PPP2R5E: variants seen among roughly 807,000 people sequenced by gnomAD.
The protein encoded by PPP2R5E is serine/threonine-protein phosphatase 2A 56 kDa regulatory subunit epsilon isoform.
In PPP2R5E, 4 loss-of-function variants were observed where a neutral mutation model predicts 65.3. That is an observed-to-expected ratio of 0.06 (90% CI 0.03 to 0.14). The LOEUF (loss-of-function observed/expected upper bound fraction) is 0.14. Among genes scored for constraint, PPP2R5E ranks in the 10% least tolerant of loss-of-function variants. PPP2R5E has a pLI of 1.00. For synonymous variants in PPP2R5E, 183 were observed against 187.4 expected (o/e 0.98, Z 0.19); for missense variants, 274 against 556.1 (o/e 0.49, Z 5.10).
chr14:63,530,666 C>G (rs1396739774), intron 2 of PPP2R5E, among the ~76,000 whole-genome samples: 1 of 128,406 alleles, frequency 7.8e-6, no homozygotes, highest in African/African-American at 2.9e-5. Flanking sequence ...GAGACACTCT[C>G]ACTCTGTCAC....
At chr14:63,379,826 C>CTCTCTTTTTTTT (rs528081976) in intron 13 of PPP2R5E, among the ~76,000 whole-genome samples, 5 of 100,280 alleles carry the variant, frequency 5.0e-5, no homozygotes, top group African/African-American at 2.6e-4. Context: ...TATTCTCTCT[C>CTCTCTTTTTTTT]TTTTTTTTTT....
chr14:63,432,470 G>A (rs1887725751), intron 3 of PPP2R5E, among the ~76,000 whole-genome samples: 1 of 152,170 alleles, frequency 6.6e-6, no homozygotes, highest in African/African-American at 2.4e-5. Context: ...CAAGAATAGA[G>A]AAACAATAGA....
chr14:63,507,071 G>A (rs966953578), intron 2 of PPP2R5E, among the ~76,000 whole-genome samples: 1 of 152,086 alleles, frequency 6.6e-6, no homozygotes, highest in Non-Finnish European at 1.5e-5. Context: ...TGTGAGCCAC[G>A]GTGCCCAGCC....
intron 2 of PPP2R5E, among the ~76,000 whole-genome samples, chr14:63,484,170 A>G (rs1444200369): frequency 1.3e-5 from 2 of 151,914 alleles, no homozygotes; most frequent in African/African-American, 2.4e-5. Context: ...TGATGGGGCC[A>G]CTCCCTAAAG....
rs921210911 is a variant in PPP2R5E at position 63,374,578 on chromosome 14, T to C, written c.*1431A>G. On this transcript the variant is annotated 3_prime_UTR_variant, in exon 14 of 14. Coordinates refer to ENST00000337537, the MANE Select transcript of PPP2R5E (RefSeq NM_006246.5). ...TACTGTACACAAATTTTATCAGCAGTTTACCTACCCAAGATGTAAGATTCT... is the reference window on the plus strand; with the variant it reads ...TACTGTACACAAATTTTATCAGCAGCTTACCTACCCAAGATGTAAGATTCT... 4.8e-5 allele frequency: 7 copies of C among 147,268 alleles called. No individual in the cohort carries two copies. The South Asian group carries it at 1.1e-3, about 22-fold the overall frequency. 9.1% of individuals were successfully genotyped at this position (147,268 alleles called of 1,614,324 possible).
chr14:63,472,061 G>GCATCCC (rs1890161742), intron 2 of PPP2R5E, among the ~76,000 whole-genome samples: 2 of 152,178 alleles, frequency 1.3e-5, no homozygotes, highest in African/African-American at 4.8e-5. Context: ...AGCACTGTTG[G>GCATCCC]AGGCCAAGGC....
At chr14:63,476,614 A>G (rs562609405) in intron 2 of PPP2R5E, among the ~76,000 whole-genome samples, 108 of 152,224 alleles carry the variant, frequency 7.1e-4, no homozygotes, top group African/African-American at 2.5e-3. Flanking sequence ...CCACCCAACT[A>G]ATAGTTTTAT....
intron 2 of PPP2R5E, among the ~76,000 whole-genome samples, chr14:63,523,818 C>A (rs1003835989): frequency 1.3e-5 from 2 of 151,546 alleles, no homozygotes; most frequent in African/African-American, 4.9e-5. Flanking sequence ...AACTCTTCAC[C>A]TTTGCTATAA....
chr14:63,430,282 G>A (rs1887565558), intron 3 of PPP2R5E, among the ~76,000 whole-genome samples: 1 of 152,084 alleles, frequency 6.6e-6, no homozygotes, highest in South Asian at 2.1e-4. Context: ...GGGAGGCCGA[G>A]GCGGGAGGAT....
rs1167799257 is a variant in PPP2R5E at position 63,374,746 on chromosome 14, G to T, written c.*1263C>A. ...GTCACGATGCACCTTTGATATAAAA[G>T]CATTTTTAAACTTTATTATTAATAC... On this transcript the variant is annotated 3_prime_UTR_variant, in exon 14 of 14. Coordinates refer to ENST00000337537, the MANE Select transcript of PPP2R5E (RefSeq NM_006246.5). 6.8e-5 allele frequency: 10 copies of T among 146,852 alleles called. No individual in the cohort carries two copies. The highest frequency in any genetic ancestry group is 2.6e-4 in the African/African-American group (10 of 39,082). The allele number at this position is 146,852 out of a possible 1,614,324, so 9.1% of individuals were successfully genotyped here. A position where few individuals can be genotyped will look rare whatever the true frequency, so the allele number is the denominator to read the frequency against.
At chr14:63,442,264 C>A (rs770857543) in intron 3 of PPP2R5E, among the ~76,000 whole-genome samples, 1 of 152,066 alleles carries the variant, frequency 6.6e-6, no homozygotes, top group African/African-American at 2.4e-5. Flanking sequence ...TCTTCTTTTA[C>A]GCTTATCCTA....
chr14:63,436,969 T>C (rs562072130), intron 3 of PPP2R5E, among the ~76,000 whole-genome samples: 8 of 152,204 alleles, frequency 5.3e-5, no homozygotes, highest in Admixed American at 2.0e-4. Context: ...CAGGATGAAA[T>C]AGGAAGTCAG....
chr14:63,489,704 A>T lies in PPP2R5E; in HGVS notation c.158-35819T>A, dbSNP rs1891193514. ...ATTACAGGCATGAGCTGCTGCGCCCAGCCAATACCAAAATTCTTAATTTTA... is the reference window on the plus strand; with the variant it reads ...ATTACAGGCATGAGCTGCTGCGCCCTGCCAATACCAAAATTCTTAATTTTA... On this transcript the variant is annotated intron_variant, in intron 2 of 13. Coordinates refer to ENST00000337537, the MANE Select transcript of PPP2R5E (RefSeq NM_006246.5). Among the ~76,000 whole-genome samples the T allele has an allele frequency of 3.3e-5, 5 of 152,226 alleles. No homozygotes were observed. The South Asian group carries it at 1.0e-3, about 32-fold the overall frequency.
chr14:63,475,092 G>A (rs144846971), intron 2 of PPP2R5E, among the ~76,000 whole-genome samples: 1 of 152,248 alleles, frequency 6.6e-6, no homozygotes, highest in African/African-American at 2.4e-5. Context: ...GATCAAGGCA[G>A]ATCAACCCAC....
chr14:63,522,447 C>G (rs904876713), intron 2 of PPP2R5E, among the ~76,000 whole-genome samples: 2 of 150,824 alleles, frequency 1.3e-5, no homozygotes, highest in African/African-American at 4.9e-5. Flanking sequence ...GCTGCCCAGT[C>G]TGGAAAGTGA....
intron 2 of PPP2R5E, among the ~76,000 whole-genome samples, chr14:63,483,416 T>A (rs981754531): frequency 2.9e-5 from 4 of 135,740 alleles, no homozygotes; most frequent in South Asian, 4.3e-4. Flanking sequence ...AGCCAACTCT[T>A]GAGAGAGCAA....
At chr14:63,534,477 TG>T (rs1266237690) in intron 2 of PPP2R5E, among the ~76,000 whole-genome samples, 2 of 152,150 alleles carry the variant, frequency 1.3e-5, no homozygotes, top group Non-Finnish European at 2.9e-5. Flanking sequence ...TTGGCCAGGC[TG>T]GTCTCAAACT....
intron 2 of PPP2R5E, among the ~76,000 whole-genome samples, chr14:63,522,213 C>T (rs1482843351): frequency 1.3e-5 from 2 of 152,264 alleles, no homozygotes; most frequent in African/African-American, 2.4e-5. Context: ...CCCGAGGTGC[C>T]GGGATTGCAG....
intron 13 of PPP2R5E, among the ~76,000 whole-genome samples, chr14:63,379,323 G>T (rs550495001): frequency 6.6e-6 from 1 of 152,240 alleles, no homozygotes; most frequent in South Asian, 2.1e-4. Flanking sequence ...CCAGGCTGGA[G>T]TACAATGATG....
Sources: allele counts gnomAD v4.1 joint callset (sites outside exome capture counted in the v4.1 genomes callset), GRCh38; gene constraint gnomAD v4.1.1; transcripts MANE v1.5; gene names NCBI Gene and HGNC (gene_info 2026-07-23, HGNC 2026-07-21).